The following NPNT variants were observed in gnomAD, a reference collection of about 807,000 sequenced individuals.
NPNT encodes the protein preosteoblast EGF-like repeat protein with MAM domain.
Under a neutral mutation model 68.6 loss-of-function variants are expected in NPNT, and 45 were observed. That is an observed-to-expected ratio of 0.66 (90% CI 0.52 to 0.84). The LOEUF (loss-of-function observed/expected upper bound fraction) is 0.84, where lower values mean the gene tolerates loss of function less well. Among genes scored for constraint, NPNT ranks in the 40% least tolerant of loss-of-function variants. NPNT has a pLI of 0.00. For missense variants in NPNT, 672 were observed against 714.8 expected, an observed-to-expected ratio of 0.94 and a Z score of 0.68; for synonymous variants, 233 against 253.3, an observed-to-expected ratio of 0.92 and a Z score of 0.76.
intron 10 of NPNT, among the ~76,000 whole-genome samples, chr4:105,963,676 C>A (rs1408847962): frequency 6.6e-6 from 1 of 151,280 alleles, no homozygotes; most frequent in Non-Finnish European, 1.5e-5. Context: ...ACCTTGATCT[C>A]TGGAGAACAA....
intron 2 of NPNT, 112 bp downstream of exon 2, chr4:105,898,113 C>T: frequency 2.9e-6 from 2 of 695,554 alleles, no homozygotes; most frequent in Non-Finnish European, 2.4e-6. Context: ...CTTGGCCTTG[C>T]AGGTCTGACT....
Position 105,940,291 on chromosome 4 carries a change from TCAGGGG to T in NPNT, c.640+89_640+94del, listed in dbSNP as rs1490939338. The T allele has an allele frequency of 2.1e-6, 3 of 1,417,954 alleles. No individual in the cohort carries two copies. In the East Asian group the frequency reaches 6.8e-5, roughly 32 times the overall value. 87.8% of individuals were successfully genotyped at this position (1,417,954 alleles called of 1,614,324 possible). Reference sequence around the variant, plus strand: ...CGTAATTGTGGTGATGGCTGGAATGTCAGGGGCAGGGGAGAGTACTGGCGTTAAGTT... The same window carrying T: ...CGTAATTGTGGTGATGGCTGGAATGTCAGGGGAGAGTACTGGCGTTAAGTT... On this transcript the variant is annotated intron_variant, in intron 6 of 11. Transcript: ENST00000379987.
chr4:105,967,220 G>A lies in NPNT; in HGVS notation c.1378G>A (p.Ala460Thr), dbSNP rs1414342530. Residue 460 changes from alanine to threonine, a missense_variant, in exon 11 of 12, where the codon GCC becomes ACC. Ala to Thr is a moderately conservative substitution (Grantham distance 58). Transcript: ENST00000379987. Reference protein sequence around the residue: ...GQYLTVSAAKAPGGKAARLVL... With the variant: ...GQYLTVSAAKTPGGKAARLVL... ...ATATCTGACAGTGTCGGCAGCCAAA[G>A]CCCCAGGGGGAAAAGCTGCACGCTT... The A allele has an allele frequency of 4.3e-6, 7 of 1,613,790 alleles. No individual in the cohort carries two copies. The highest frequency in any genetic ancestry group is 5.9e-6 in the Non-Finnish European group (7 of 1,180,000).
rs1185299247 is a variant in NPNT at position 105,967,180 on chromosome 4, C to T, written c.1346-8C>T. 1 of 1,613,278 alleles carries T rather than the reference C, an allele frequency of 6.2e-7. No individual in the cohort carries two copies. The highest frequency in any genetic ancestry group is 1.1e-5 in the South Asian group (1 of 90,996). On this transcript the variant is annotated splice_region_variant and splice_polypyrimidine_tract_variant and intron_variant, in intron 10 of 11. Transcript: ENST00000379987. ...CACATACACACAGCCCTGCTTTTCCCATTCCAGGTGGACAATATCTGACAG... is the reference window on the plus strand; with the variant it reads ...CACATACACACAGCCCTGCTTTTCCTATTCCAGGTGGACAATATCTGACAG...
intron 2 of NPNT, chr4:105,912,690 TATA>T (rs148442792): frequency 0.015 from 5,501 of 378,288 alleles, 269 homozygotes; most frequent in African/African-American, 0.11. Context: ...TGTTATCAGT[TATA>T]ATAGCACTTA....
intron 3 of NPNT, 77 bp from the exon 4 acceptor site, chr4:105,936,918 TTTCATTTTTTAATA>T (rs1348471378): frequency 7.6e-7 from 1 of 1,320,176 alleles, no homozygotes; most frequent in African/African-American, 1.5e-5. Flanking sequence ...TATTTTTCTC[TTTCATTTTTTAATA>T]TAGAAAAGAA....
intron 2 of NPNT, among the ~76,000 whole-genome samples, chr4:105,903,821 G>A (rs917853644): frequency 2.9e-5 from 4 of 137,290 alleles, no homozygotes; most frequent in Non-Finnish European, 6.1e-5. Flanking sequence ...GTCTTGCTCT[G>A]TCGCCCAGGT....
intron 2 of NPNT, among the ~76,000 whole-genome samples, chr4:105,914,704 G>A (rs1307073308): frequency 4.0e-5 from 6 of 151,814 alleles, no homozygotes; most frequent in African/African-American, 1.5e-4. Context: ...AGCAGTGATG[G>A]AGTGGTGATG....
At chr4:105,914,712 A>G (rs2149336420) in intron 2 of NPNT, among the ~76,000 whole-genome samples, 1 of 151,996 alleles carries the variant, frequency 6.6e-6, no homozygotes, top group South Asian at 2.1e-4. Context: ...TGGAGTGGTG[A>G]TGGCCCAGCT....
At chr4:105,904,858 T>C (rs941869684) in intron 2 of NPNT, among the ~76,000 whole-genome samples, 2 of 151,988 alleles carry the variant, frequency 1.3e-5, no homozygotes, top group Admixed American at 1.3e-4. Context: ...ATTTTTGTAA[T>C]CAACTGATGG....
intron 2 of NPNT, among the ~76,000 whole-genome samples, chr4:105,908,067 T>C (rs980155996): frequency 2.6e-5 from 4 of 152,184 alleles, no homozygotes; most frequent in Admixed American, 6.5e-5. Flanking sequence ...TTCTTAACTC[T>C]GATGGGAGGA....
chr4:105,966,088 A>T (rs1217172052), intron 10 of NPNT, among the ~76,000 whole-genome samples: 1 of 152,252 alleles, frequency 6.6e-6, no homozygotes, highest in Non-Finnish European at 1.5e-5. Context: ...TAAGAAAGAG[A>T]TGATAGTTTA....
In NPNT at chr4:105,931,390, A is replaced by T. The variant is rs147295469; in HGVS notation, c.265+3962A>T. On this transcript the variant is annotated intron_variant, in intron 3 of 11. Coordinates refer to ENST00000379987, the MANE Select transcript of NPNT (RefSeq NM_001033047.3). ...TTGAATTCTTTATCATAAGGAAAGAATTGGAGTCTTTTAGGTCAGAACCAG... is the reference window on the plus strand; with the variant it reads ...TTGAATTCTTTATCATAAGGAAAGATTTGGAGTCTTTTAGGTCAGAACCAG... Among the ~76,000 whole-genome samples the T allele has an allele frequency of 5.3e-4, 80 of 152,266 alleles. 1 individual carries two copies. Among genetic ancestry groups the T allele is most frequent in the African/African-American group, 1.9e-3 (80 of 41,576 alleles).
intron 8 of NPNT, among the ~76,000 whole-genome samples, chr4:105,954,564 G>A (rs961277086): frequency 6.6e-6 from 1 of 152,052 alleles, no homozygotes; most frequent in Admixed American, 6.6e-5. Flanking sequence ...CCAGGATAAC[G>A]TCCAAAATAT....
chr4:105,949,330 A>T lies in NPNT; in HGVS notation c.1159+6628A>T, dbSNP rs116071871. On this transcript the variant is annotated intron_variant, in intron 8 of 11. Transcript: ENST00000379987. ...ATTAGAGTTTACTGGAATCAACTTT[A>T]GGTCAGGCTGGGCTAAACTAGGAAG... 8.7e-3 allele frequency among the ~76,000 whole-genome samples: 1,321 copies of T among 152,318 alleles called. 15 individuals are homozygous for T. The highest frequency in any genetic ancestry group is 0.029 in the African/African-American group (1,196 of 41,572).
intron 8 of NPNT, among the ~76,000 whole-genome samples, chr4:105,952,115 G>A (rs906944460): frequency 2.6e-5 from 4 of 152,132 alleles, no homozygotes; most frequent in Non-Finnish European, 5.9e-5. Context: ...ATATAGTAAT[G>A]ATAACATTTC....
intron 8 of NPNT, among the ~76,000 whole-genome samples, chr4:105,947,562 T>C (rs1419825665): frequency 6.6e-6 from 1 of 152,196 alleles, no homozygotes; most frequent in African/African-American, 2.4e-5. Flanking sequence ...CTACAGTTTA[T>C]GCATTTTTAA....
Position 105,895,638 on chromosome 4 carries a change from G to T in NPNT, c.-15G>T. On this transcript the variant is annotated 5_prime_UTR_variant, in exon 1 of 12. Coordinates refer to ENST00000379987, the MANE Select transcript of NPNT (RefSeq NM_001033047.3). The stretch of plus-strand genomic sequence containing the variant: ...CGCGCGCCACTGCGCTGCGCCCCAG[G>T]ACCCGCTGCCCAACATGGATTTTCT... The T allele has an allele frequency of 6.5e-7, 1 of 1,549,168 alleles. No individual in the cohort carries two copies. The highest frequency in any genetic ancestry group is 8.7e-7 in the Non-Finnish European group (1 of 1,146,594).
intron 2 of NPNT, among the ~76,000 whole-genome samples, chr4:105,903,783 CT>C (rs746122761): frequency 3.8e-3 from 481 of 126,934 alleles, no homozygotes; most frequent in East Asian, 0.016. Flanking sequence ...GACCTTCTTA[CT>C]TTTTTTTTTT....
Sources: allele counts gnomAD v4.1 joint callset (sites outside exome capture counted in the v4.1 genomes callset), GRCh38; gene constraint gnomAD v4.1.1; transcripts MANE v1.5; gene names NCBI Gene and HGNC (gene_info 2026-07-23, HGNC 2026-07-21).